TEC: variants seen among roughly 807,000 people sequenced by gnomAD.
The protein encoded by TEC is tyrosine-protein kinase Tec.
A neutral mutation model predicts 93.0 loss-of-function variants in TEC; 72 were observed. The observed-to-expected ratio is 0.77, with a 90% CI of 0.64 to 0.94. The LOEUF (loss-of-function observed/expected upper bound fraction) is 0.94, where lower values mean the gene tolerates loss of function less well. Ranked by LOEUF, TEC falls within the 40% of genes least tolerant of loss-of-function variation. TEC has a pLI of 0.00. For missense variants in TEC, 630 were observed against 757.9 expected (o/e 0.83, Z 1.98); for synonymous variants, 249 against 247.7 (o/e 1.01, Z -0.05).
chr4:48,209,979 G>A (rs1722844186), intron 2 of TEC, among the ~76,000 whole-genome samples: 2 of 152,206 alleles, frequency 1.3e-5, no homozygotes, highest in Admixed American at 1.3e-4. Flanking sequence ...GCTCTACAGA[G>A]GCAGATCCAG....
At chr4:48,213,288 C>A (rs1046927976) in intron 2 of TEC, among the ~76,000 whole-genome samples, 6 of 152,120 alleles carry the variant, frequency 3.9e-5, no homozygotes, top group Non-Finnish European at 7.4e-5. Flanking sequence ...CAATATTGCA[C>A]ATATTTTGTA....
At chr4:48,255,449 G>A (rs953016257) in intron 1 of TEC, among the ~76,000 whole-genome samples, 7 of 152,124 alleles carry the variant, frequency 4.6e-5, no homozygotes, top group Non-Finnish European at 8.8e-5. Flanking sequence ...ATCATCCCTG[G>A]GTAGTGTCAA....
chr4:48,220,121 G>A (rs946415124), intron 2 of TEC, among the ~76,000 whole-genome samples: 8 of 146,008 alleles, frequency 5.5e-5, no homozygotes, highest in Middle Eastern at 3.5e-3. Flanking sequence ...CCTAGAGATG[G>A]GGAGATGGGG....
chr4:48,245,017 G>A (rs373535564), intron 1 of TEC, among the ~76,000 whole-genome samples: 72 of 152,168 alleles, frequency 4.7e-4, no homozygotes, highest in Middle Eastern at 3.4e-3. Context: ...AAATTAGGCC[G>A]AGCACAGTGG....
chr4:48,245,737 T>A (rs4695365), intron 1 of TEC, among the ~76,000 whole-genome samples: 63,288 of 151,972 alleles, frequency 0.42, 13,356 homozygotes, highest in Middle Eastern at 0.5. Context: ...CCTTTGAGAC[T>A]AGAAATCTAG....
At chr4:48,199,594 G>C (rs894041928) in intron 2 of TEC, among the ~76,000 whole-genome samples, 2 of 145,860 alleles carry the variant, frequency 1.4e-5, no homozygotes, top group African/African-American at 5.0e-5. Flanking sequence ...AGCGTCCCGA[G>C]TAGCTGGGAC....
chr4:48,187,294 G>C (rs954774296), intron 2 of TEC, among the ~76,000 whole-genome samples: 1 of 152,066 alleles, frequency 6.6e-6, no homozygotes, highest in African/African-American at 2.4e-5. Flanking sequence ...CAAACATTGC[G>C]GAAGGCCGCA....
rs549116810 is a variant in TEC at position 48,163,029 on chromosome 4, T to C, written c.737+673A>G. The stretch of plus-strand genomic sequence containing the variant: ...AACAAGACGTTATCCCATTTTTTTT[T>C]TAATATAGCAAAGGTACCTAAAACA... On this transcript the variant is annotated intron_variant, in intron 8 of 17. Coordinates refer to ENST00000381501, the MANE Select transcript of TEC (RefSeq NM_003215.3). 1.2e-3 allele frequency among the ~76,000 whole-genome samples: 188 copies of C among 152,268 alleles called. 3 individuals are homozygous for C. The South Asian group carries it at 0.036, about 29-fold the overall frequency.
At chr4:48,212,765 C>T (rs957710948) in intron 2 of TEC, among the ~76,000 whole-genome samples, 1 of 152,136 alleles carries the variant, frequency 6.6e-6, no homozygotes, top group Non-Finnish European at 1.5e-5. Context: ...GGTAAGAACG[C>T]CAGGTCTCAA....
intron 2 of TEC, among the ~76,000 whole-genome samples, chr4:48,206,770 G>A (rs1338585591): frequency 8.3e-6 from 1 of 119,886 alleles, no homozygotes; most frequent in East Asian, 2.4e-4. Context: ...AGGAGACCTC[G>A]TTGCTACAAA....
chr4:48,244,775 G>C (rs1379196778), intron 1 of TEC, among the ~76,000 whole-genome samples: 1 of 152,124 alleles, frequency 6.6e-6, no homozygotes, highest in Non-Finnish European at 1.5e-5. Context: ...TCCTCAAAGA[G>C]CCTTCCCCTG....
At chr4:48,225,228 T>G (rs1484640371) in intron 2 of TEC, among the ~76,000 whole-genome samples, 1 of 152,010 alleles carries the variant, frequency 6.6e-6, no homozygotes, top group Non-Finnish European at 1.5e-5. Flanking sequence ...CAGGCTGGAG[T>G]GCGTGGTACA....
At chr4:48,221,626 C>T (rs377551598) in intron 2 of TEC, among the ~76,000 whole-genome samples, 4 of 152,162 alleles carry the variant, frequency 2.6e-5, no homozygotes, top group South Asian at 2.1e-4. Flanking sequence ...AATCTGGAAG[C>T]GCTATGAACC....
chr4:48,238,022 C>T (rs1723830455), intron 1 of TEC, among the ~76,000 whole-genome samples: 1 of 152,180 alleles, frequency 6.6e-6, no homozygotes, highest in African/African-American at 2.4e-5. Context: ...AATCTTACCA[C>T]ATATTCTTCT....
intron 9 of TEC, among the ~76,000 whole-genome samples, chr4:48,151,250 A>C (rs1175497992): frequency 2.0e-5 from 3 of 152,196 alleles, no homozygotes; most frequent in Non-Finnish European, 4.4e-5. Flanking sequence ...GAACTGAGAG[A>C]CAAGATTTTG....
chr4:48,208,963 C>T (rs1185736438), intron 2 of TEC, among the ~76,000 whole-genome samples: 1 of 152,144 alleles, frequency 6.6e-6, no homozygotes, highest in East Asian at 1.9e-4. Flanking sequence ...GGTTTGAATT[C>T]AATTATCCCA....
chr4:48,227,006 C>T (rs530965622), intron 2 of TEC, among the ~76,000 whole-genome samples: 3 of 152,114 alleles, frequency 2.0e-5, no homozygotes, highest in African/African-American at 4.8e-5. Context: ...ACTAGGGCAG[C>T]TCCACATAAT....
intron 2 of TEC, among the ~76,000 whole-genome samples, chr4:48,225,949 T>G (rs538794384): frequency 6.6e-6 from 1 of 152,208 alleles, no homozygotes; most frequent in Admixed American, 6.5e-5. Flanking sequence ...AGGTGGATTC[T>G]GCCAGGAAGT....
At chr4:48,236,127 C>A (rs1723776393) in intron 1 of TEC, among the ~76,000 whole-genome samples, 1 of 152,218 alleles carries the variant, frequency 6.6e-6, no homozygotes, top group Non-Finnish European at 1.5e-5. Flanking sequence ...TCATTAAGAG[C>A]CACAACAAAC....
Sources: allele counts gnomAD v4.1 joint callset (sites outside exome capture counted in the v4.1 genomes callset), GRCh38; gene constraint gnomAD v4.1.1; transcripts MANE v1.5; gene names NCBI Gene and HGNC (gene_info 2026-07-23, HGNC 2026-07-21).